The following ADAMTSL1 variants were observed in gnomAD, a reference collection of about 807,000 sequenced individuals.
ADAMTSL1 encodes ADAMTS like 1.
Under a neutral mutation model 201.8 loss-of-function variants are expected in ADAMTSL1, and 126 were observed. The observed-to-expected ratio is 0.62, with a 90% CI of 0.54 to 0.72. The LOEUF is 0.72. ADAMTSL1 is among the 30% of genes least tolerant of loss of function. ADAMTSL1 has a pLI of 0.00. For missense variants in ADAMTSL1, 2,679 were observed against 2,277.8 expected, an observed-to-expected ratio of 1.18 and a Z score of -3.59; for synonymous variants, 1,121 against 903.4, an observed-to-expected ratio of 1.24 and a Z score of -4.32.
Position 18,439,555 on chromosome 9 carries a change from C to T in ADAMTSL1, c.208-65274C>T, listed in dbSNP as rs1357548566. 2.6e-5 allele frequency among the ~76,000 whole-genome samples: 4 copies of T among 152,080 alleles called. No homozygotes were observed. In the East Asian group the frequency reaches 5.8e-4, roughly 22 times the overall value. On this transcript the variant is annotated intron_variant, in intron 2 of 29. Coordinates refer to the ADAMTSL1 transcript ENST00000680146. Reference sequence around the variant, plus strand: ...CTAATTTTTGTATTTTTAGTAGAGACGGGATTTCACCATGTTCGCCAGGAT... The same window carrying T: ...CTAATTTTTGTATTTTTAGTAGAGATGGGATTTCACCATGTTCGCCAGGAT...
At chr9:18,299,325 C>G (rs1833605766) in intron 2 of ADAMTSL1, among the ~76,000 whole-genome samples, 1 of 152,152 alleles carries the variant, frequency 6.6e-6, no homozygotes, top group Admixed American at 6.5e-5. Flanking sequence ...CATATATCTT[C>G]TCCATTGGCA....
intron 26 of ADAMTSL1, among the ~76,000 whole-genome samples, chr9:18,904,223 C>G (rs565814686): frequency 6.6e-6 from 1 of 152,156 alleles, no homozygotes; most frequent in Non-Finnish European, 1.5e-5. Flanking sequence ...ACTCCCAGCA[C>G]TTTGGGAGGC....
intron 1 of ADAMTSL1, among the ~76,000 whole-genome samples, chr9:17,953,777 C>T (rs1588470844): frequency 6.6e-6 from 1 of 152,098 alleles, no homozygotes; most frequent in East Asian, 1.9e-4. Context: ...CAAAACGAAC[C>T]ACCCCAAAGC....
At chr9:18,070,992 G>A (rs937086940) in intron 1 of ADAMTSL1, among the ~76,000 whole-genome samples, 75 of 152,188 alleles carry the variant, frequency 4.9e-4, no homozygotes, top group Non-Finnish European at 4.9e-4. Context: ...TAGACTCAGG[G>A]CTAGACAGGA....
intron 2 of ADAMTSL1, among the ~76,000 whole-genome samples, chr9:18,186,794 T>C (rs1828753753): frequency 6.6e-6 from 1 of 151,876 alleles, no homozygotes; most frequent in African/African-American, 2.4e-5. Flanking sequence ...AAATTATTAT[T>C]ATCATATTGT....
At chr9:18,508,215 C>T (rs990346015) in intron 2 of ADAMTSL1, among the ~76,000 whole-genome samples, 72 of 151,832 alleles carry the variant, frequency 4.7e-4, no homozygotes, top group Non-Finnish European at 9.6e-4. Flanking sequence ...ATTCAGTTTT[C>T]TTTACCTGGG....
chr9:18,693,290 T>A (rs1831346733), intron 13 of ADAMTSL1, among the ~76,000 whole-genome samples: 1 of 152,240 alleles, frequency 6.6e-6, no homozygotes, highest in Non-Finnish European at 1.5e-5. Flanking sequence ...TTCACTGAAG[T>A]GTGATAGACA....
intron 13 of ADAMTSL1, among the ~76,000 whole-genome samples, chr9:18,705,697 C>G (rs1448488582): frequency 1.3e-5 from 2 of 152,128 alleles, no homozygotes; most frequent in African/African-American, 4.8e-5. Context: ...GACTTTGCAC[C>G]ATTCTTGGAA....
intron 23 of ADAMTSL1, among the ~76,000 whole-genome samples, chr9:18,857,046 T>G (rs1340034531): frequency 1.3e-5 from 2 of 151,936 alleles, no homozygotes; most frequent in African/African-American, 4.8e-5. Context: ...ATAGAGCAGG[T>G]TTTTTTTCCT....
chr9:18,310,081 T>A (rs1205661460), intron 2 of ADAMTSL1, among the ~76,000 whole-genome samples: 1 of 152,028 alleles, frequency 6.6e-6, no homozygotes, highest in African/African-American at 2.4e-5. Context: ...ATACAAGCTA[T>A]GGGGAAAGGA....
chr9:18,104,666 A>C (rs577088360), intron 1 of ADAMTSL1, among the ~76,000 whole-genome samples: 1 of 152,226 alleles, frequency 6.6e-6, no homozygotes, highest in Non-Finnish European at 1.5e-5. Context: ...TGATGGGCGC[A>C]CTAAAAGCCC....
chr9:18,504,387 G>C (rs531312119), intron 1 of ADAMTSL1, among the ~76,000 whole-genome samples: 5 of 152,236 alleles, frequency 3.3e-5, no homozygotes, highest in African/African-American at 1.2e-4. Flanking sequence ...AATTGTCGAT[G>C]GTATAAAATA....
intron 23 of ADAMTSL1, among the ~76,000 whole-genome samples, chr9:18,839,348 A>G (rs1354086371): frequency 6.6e-6 from 1 of 151,938 alleles, no homozygotes; most frequent in Non-Finnish European, 1.5e-5. Flanking sequence ...GCATGTCCCT[A>G]CAAAGGACAT....
At chr9:18,685,949 C>T (rs1220714838) in intron 13 of ADAMTSL1, among the ~76,000 whole-genome samples, 5 of 151,110 alleles carry the variant, frequency 3.3e-5, no homozygotes, top group Non-Finnish European at 5.9e-5. Context: ...GATAGGGTCT[C>T]ACTCTGTCAC....
chr9:18,229,965 A>G (rs1366448951), intron 2 of ADAMTSL1, among the ~76,000 whole-genome samples: 2 of 152,140 alleles, frequency 1.3e-5, no homozygotes, highest in African/African-American at 4.8e-5. Context: ...CGTAAGTGCT[A>G]GGATTACAGG....
chr9:18,710,410 T>C (rs1376924481), intron 14 of ADAMTSL1, among the ~76,000 whole-genome samples: 1 of 152,250 alleles, frequency 6.6e-6, no homozygotes, highest in African/African-American at 2.4e-5. Flanking sequence ...ATAACAGAGA[T>C]TTAACACACA....
At chr9:18,029,098 T>C (rs1391937626) in intron 1 of ADAMTSL1, among the ~76,000 whole-genome samples, 1 of 152,216 alleles carries the variant, frequency 6.6e-6, no homozygotes, top group Non-Finnish European at 1.5e-5. Context: ...TTGTGATTTT[T>C]GCACATTGAT....
intron 15 of ADAMTSL1, among the ~76,000 whole-genome samples, chr9:18,735,968 A>G (rs559223047): frequency 1.3e-5 from 2 of 151,954 alleles, no homozygotes; most frequent in African/African-American, 4.8e-5. Flanking sequence ...TCCTGCCTCA[A>G]CTTCCACCCT....
At chr9:18,503,329 T>C (rs1233921253) in intron 1 of ADAMTSL1, among the ~76,000 whole-genome samples, 1 of 151,634 alleles carries the variant, frequency 6.6e-6, no homozygotes, top group Non-Finnish European at 1.5e-5. Context: ...ATGTCTGACT[T>C]ATTTCACTTC....
Sources: allele counts gnomAD v4.1 joint callset (sites outside exome capture counted in the v4.1 genomes callset), GRCh38; gene constraint gnomAD v4.1.1; transcripts MANE v1.5; gene names NCBI Gene and HGNC (gene_info 2026-07-23, HGNC 2026-07-21).